Variants in PEBP4 observed in about 807,000 individuals in gnomAD.
PEBP4 encodes phosphatidylethanolamine binding protein 4.
In PEBP4, 22 loss-of-function variants were observed where a neutral mutation model predicts 23.9. The ratio of observed to expected loss-of-function variants is 0.92; its 90% CI spans 0.66 to 1.31. The LOEUF (loss-of-function observed/expected upper bound fraction) is 1.31, where lower values mean the gene tolerates loss of function less well. PEBP4 is among the 40% of genes most tolerant of loss of function. The pLI is 0.00. For missense variants in PEBP4, 324 were observed against 281.7 expected, an observed-to-expected ratio of 1.15 and a Z score of -1.07; for synonymous variants, 112 against 99.3, an observed-to-expected ratio of 1.13 and a Z score of -0.76.
At chr8:22,757,476 A>T (rs1805412631) in intron 4 of PEBP4, 1 of 152,364 alleles carries the variant, frequency 6.6e-6, no homozygotes, top group Non-Finnish European at 1.5e-5. Context: ...ACATGACCTC[A>T]TTCCCTCTCC....
At chr8:22,731,207 C>T (rs1804723398) in intron 4 of PEBP4, among the ~76,000 whole-genome samples, 1 of 152,128 alleles carries the variant, frequency 6.6e-6, no homozygotes, top group Non-Finnish European at 1.5e-5. Context: ...CTGAGTGTGC[C>T]TGCCTCTCCC....
At chr8:22,913,173 A>T (rs1186152075) in intron 3 of PEBP4, among the ~76,000 whole-genome samples, 1 of 152,064 alleles carries the variant, frequency 6.6e-6, no homozygotes, top group Non-Finnish European at 1.5e-5. Context: ...TTCTTCCCTA[A>T]ACCCTCACCT....
chr8:22,721,782 G>A (rs1804523831), intron 6 of PEBP4, among the ~76,000 whole-genome samples: 1 of 152,160 alleles, frequency 6.6e-6, no homozygotes, highest in Non-Finnish European at 1.5e-5. Context: ...CAAGTCCTGG[G>A]ACCTGTGTTC....
intron 3 of PEBP4, among the ~76,000 whole-genome samples, chr8:22,822,354 A>AGAGTGT (rs140574605): frequency 0.014 from 2,100 of 147,838 alleles, 24 homozygotes; most frequent in South Asian, 0.041. Flanking sequence ...TATATACTAA[A>AGAGTGT]GTGTGTGTGT....
intron 4 of PEBP4, among the ~76,000 whole-genome samples, chr8:22,801,532 G>T (rs1222037049): frequency 6.6e-6 from 1 of 152,194 alleles, no homozygotes; most frequent in Non-Finnish European, 1.5e-5. Flanking sequence ...TGGGGAAAGG[G>T]TGAGGGGTAG....
intron 1 of PEBP4, among the ~76,000 whole-genome samples, chr8:22,940,250 T>A (rs116211752): frequency 3.3e-5 from 5 of 152,286 alleles, no homozygotes; most frequent in African/African-American, 1.2e-4. Flanking sequence ...GGAAAGAAAC[T>A]CACTACATCT....
chr8:22,759,466 T>G (rs1317718461), intron 4 of PEBP4, among the ~76,000 whole-genome samples: 1 of 152,016 alleles, frequency 6.6e-6, no homozygotes, highest in Non-Finnish European at 1.5e-5. Flanking sequence ...CGGATCTTTG[T>G]GCACCTTGGC....
At chr8:22,742,330 G>T (rs568545483) in intron 4 of PEBP4, among the ~76,000 whole-genome samples, 1 of 152,208 alleles carries the variant, frequency 6.6e-6, no homozygotes, top group African/African-American at 2.4e-5. Context: ...ATTCAGCCTC[G>T]ATGGCCTGCA....
intron 4 of PEBP4, among the ~76,000 whole-genome samples, chr8:22,788,648 C>T (rs187075854): frequency 6.6e-6 from 1 of 152,330 alleles, no homozygotes; most frequent in African/African-American, 2.4e-5. Context: ...TAAAATATGA[C>T]TGTCCTGATG....
intron 3 of PEBP4, 144 bp from the exon 4 acceptor site, chr8:22,817,879 T>C (rs1806777887): frequency 2.9e-6 from 2 of 694,990 alleles, no homozygotes; most frequent in Non-Finnish European, 5.0e-6. Context: ...CTTGCTCTCG[T>C]GACATCCCTC....
intron 3 of PEBP4, among the ~76,000 whole-genome samples, chr8:22,869,073 C>T (rs148231169): frequency 3.6e-4 from 55 of 152,334 alleles, no homozygotes; most frequent in African/African-American, 1.3e-3. Context: ...GTTCCTTAAA[C>T]ACACCAGGCA....
upstream of PEBP4, among the ~76,000 whole-genome samples, chr8:22,931,983 G>A (rs1435941014): frequency 1.3e-5 from 2 of 152,160 alleles, no homozygotes; most frequent in Non-Finnish European, 2.9e-5. Flanking sequence ...GCTGTTGGAT[G>A]CAACTTCAAA....
At chr8:22,786,420 C>G (rs1182295096) in intron 4 of PEBP4, among the ~76,000 whole-genome samples, 2 of 152,102 alleles carry the variant, frequency 1.3e-5, no homozygotes, top group Non-Finnish European at 2.9e-5. Context: ...ATAGCTGGGA[C>G]TACAGTTGCA....
chr8:22,907,554 G>A (rs1808842576), intron 3 of PEBP4, among the ~76,000 whole-genome samples: 1 of 152,068 alleles, frequency 6.6e-6, no homozygotes, highest in Non-Finnish European at 1.5e-5. Context: ...AGAGAGAAAG[G>A]AAGGAGTGAG....
At chr8:22,761,547 C>T (rs1174806685) in intron 4 of PEBP4, among the ~76,000 whole-genome samples, 1 of 152,226 alleles carries the variant, frequency 6.6e-6, no homozygotes, top group Non-Finnish European at 1.5e-5. Context: ...AACATCCAAA[C>T]CTCTTGAAAG....
intron 6 of PEBP4, among the ~76,000 whole-genome samples, chr8:22,717,781 T>C (rs1338457823): frequency 2.0e-5 from 3 of 152,176 alleles, no homozygotes; most frequent in Non-Finnish European, 4.4e-5. Flanking sequence ...CCACTGCTTC[T>C]TGTTGGGGGA....
chr8:22,759,124 G>A (rs867605410), intron 4 of PEBP4, among the ~76,000 whole-genome samples: 2 of 152,148 alleles, frequency 1.3e-5, no homozygotes, highest in Non-Finnish European at 2.9e-5. Context: ...CAGCAGTCTG[G>A]TGGGCTCAGG....
chr8:22,767,416 C>T (rs577203429), intron 4 of PEBP4, among the ~76,000 whole-genome samples: 1 of 152,286 alleles, frequency 6.6e-6, no homozygotes, highest in South Asian at 2.1e-4. Flanking sequence ...CAGGGTTATC[C>T]CTATAATGTT....
intron 4 of PEBP4, among the ~76,000 whole-genome samples, chr8:22,762,610 G>T (rs1805530875): frequency 6.6e-6 from 1 of 152,106 alleles, no homozygotes. Flanking sequence ...TCTCGGTCAG[G>T]CCTCCAATTC....
Sources: allele counts gnomAD v4.1 joint callset (sites outside exome capture counted in the v4.1 genomes callset), GRCh38; gene constraint gnomAD v4.1.1; transcripts MANE v1.5; gene names NCBI Gene and HGNC (gene_info 2026-07-23, HGNC 2026-07-21).